The following RPH3A variants were observed in gnomAD, a reference collection of about 807,000 sequenced individuals.
The protein encoded by RPH3A is rabphilin-3A.
RPH3A carries 48 observed loss-of-function variants against 102.2 expected under a neutral mutation model. That is an observed-to-expected ratio of 0.47 (90% CI 0.37 to 0.60). RPH3A has a LOEUF of 0.60. RPH3A is among the 20% of genes least tolerant of loss of function. RPH3A has a pLI of 0.00. For missense variants in RPH3A, 781 were observed against 910.1 expected (o/e 0.86, Z 1.83); for synonymous variants, 310 against 324.3 (o/e 0.96, Z 0.47).
At chr12:112,865,905 G>T (rs1428388464) in intron 6 of RPH3A, among the ~76,000 whole-genome samples, 1 of 152,218 alleles carries the variant, frequency 6.6e-6, no homozygotes, top group Non-Finnish European at 1.5e-5. Context: ...GTTTATACTT[G>T]TGTGTATGTG....
At chr12:112,578,215 A>G (rs1186016329) in intron 1 of RPH3A, among the ~76,000 whole-genome samples, 2 of 152,180 alleles carry the variant, frequency 1.3e-5, no homozygotes, top group East Asian at 1.9e-4. Flanking sequence ...GCTTTTTATT[A>G]TGCAAAGGTA....
At position 112,732,277 on chromosome 12, in the gene RPH3A, T is replaced by C. The variant is rs115292926; in HGVS notation, c.-139-59866T>C. ...AGCTGGACTCACTTTAGAGACTCAG[T>C]TTGGAGGTGGAGGATGAACACGCTC... On this transcript the variant is annotated intron_variant, in intron 1 of 21. Coordinates refer to the RPH3A transcript ENST00000543106. Among the ~76,000 whole-genome samples, 332 of 152,258 alleles carry C rather than the reference T, an allele frequency of 2.2e-3. 4 individuals are homozygous for C. Among genetic ancestry groups the C allele is most frequent in the African/African-American group, 7.8e-3 (324 of 41,544 alleles).
intron 14 of RPH3A, among the ~76,000 whole-genome samples, chr12:112,879,772 T>C (rs2042875075): frequency 6.6e-6 from 1 of 152,166 alleles, no homozygotes; most frequent in Admixed American, 6.5e-5. Flanking sequence ...TGACTAGGAT[T>C]GAACCCCTAC....
intron 1 of RPH3A, among the ~76,000 whole-genome samples, chr12:112,738,576 C>T (rs1051994867): frequency 1.3e-5 from 2 of 152,106 alleles, no homozygotes; most frequent in African/African-American, 2.4e-5. Flanking sequence ...TATTCTCTGC[C>T]ATCACCACTG....
chr12:112,789,887 CAA>C (rs144494791), upstream of RPH3A, among the ~76,000 whole-genome samples: 661 of 70,756 alleles, frequency 9.3e-3, 7 homozygotes, highest in African/African-American at 0.027. Context: ...CCCATCTCTG[CAA>C]AAAAAAAAAA....
intron 1 of RPH3A, among the ~76,000 whole-genome samples, chr12:112,734,198 A>T (rs1338099590): frequency 1.3e-5 from 2 of 152,202 alleles, no homozygotes; most frequent in Admixed American, 1.3e-4. Flanking sequence ...TGCTATGCTT[A>T]GATATGTTTA....
intron 3 of RPH3A, 114 bp from the exon 4 acceptor site, chr12:112,836,377 G>T (rs2042050762): frequency 4.0e-6 from 2 of 497,388 alleles, no homozygotes; most frequent in East Asian, 3.5e-5. Flanking sequence ...ATGGAAGTAG[G>T]TCATCATAAT....
chr12:112,829,190 C>T (rs996630490), intron 3 of RPH3A, among the ~76,000 whole-genome samples: 6 of 152,048 alleles, frequency 3.9e-5, no homozygotes, highest in African/African-American at 1.4e-4. Flanking sequence ...CTGGGTAGGA[C>T]AGTTGAGGAT....
chr12:112,890,054 C>A lies in RPH3A; in HGVS notation c.1594C>A (p.Arg532=). 6.2e-7 allele frequency: 1 copy of A among 1,613,562 alleles called. No individual in the cohort carries two copies. The change falls in exon 18 of 22, where the codon CGA becomes AGA. Residue 532 remains arginine (R), a synonymous_variant. Transcript: ENST00000389385. ...ACGTGCTGGGACCACCGGGTCAGCC[C>A]GAGGCATGGCCCTTTATGAGGAAGA... is the stretch of plus-strand genomic sequence containing the variant. ...MKRAGTTGSA[R]GMALYEEEQV... is the part of the protein sequence containing the mutation.
Position 112,868,431 on chromosome 12 carries a change from T to A in RPH3A, c.446T>A (p.Val149Glu), listed in dbSNP as rs1440608662. Residue 149 changes from valine (V) to glutamate (E), a missense_variant and splice_region_variant, in exon 8 of 22, where the codon GTG becomes GAG. Transcript: ENST00000389385. ...LCKICIEQRE[V>E]WKRSGAWFFK... Reference sequence around the variant, plus strand: ...CAATCCCTGTCTCTCCTCCCCAAGGTGTGGAAGCGTTCTGGAGCGTGGTTC... The same window carrying A: ...CAATCCCTGTCTCTCCTCCCCAAGGAGTGGAAGCGTTCTGGAGCGTGGTTC... 6.2e-7 allele frequency: 1 copy of A among 1,613,690 alleles called. No homozygotes were observed. Among genetic ancestry groups the A allele is most frequent in the African/African-American group, 1.3e-5 (1 of 74,884 alleles).
At chr12:112,599,462 T>G (rs1334801022) in intron 1 of RPH3A, among the ~76,000 whole-genome samples, 1 of 152,212 alleles carries the variant, frequency 6.6e-6, no homozygotes, top group Non-Finnish European at 1.5e-5. Flanking sequence ...TTTTAATATT[T>G]TTATAAATTG....
At chr12:112,800,599 G>A (rs1390799856) in intron 2 of RPH3A, among the ~76,000 whole-genome samples, 1 of 152,180 alleles carries the variant, frequency 6.6e-6, no homozygotes, top group Admixed American at 6.5e-5. Context: ...TGGGATGGAA[G>A]CCAGGGGACC....
intron 1 of RPH3A, among the ~76,000 whole-genome samples, chr12:112,584,480 G>A (rs2039423842): frequency 6.6e-6 from 1 of 152,144 alleles, no homozygotes; most frequent in African/African-American, 2.4e-5. Flanking sequence ...TCCAGCCAGG[G>A]TCACATGGTC....
intron 1 of RPH3A, among the ~76,000 whole-genome samples, chr12:112,713,011 C>G (rs149017329): frequency 0.018 from 1,191 of 66,532 alleles, 103 homozygotes; most frequent in South Asian, 0.053. Context: ...CTTCCTCTTC[C>G]TCTTCCTCTT....
At chr12:112,895,653 T>C in intron 20 of RPH3A, 124 bp from the exon 21 acceptor site, 1 of 635,096 alleles carries the variant, frequency 1.6e-6, no homozygotes, top group Non-Finnish European at 2.9e-6. Flanking sequence ...AAGACCTCCT[T>C]GCTCCCAGAA....
intron 1 of RPH3A, among the ~76,000 whole-genome samples, chr12:112,648,163 A>T (rs1009467351): frequency 6.6e-6 from 1 of 152,168 alleles, no homozygotes; most frequent in Non-Finnish European, 1.5e-5. Context: ...TTATATGCTT[A>T]GTTTTTAATT....
intron 5 of RPH3A, among the ~76,000 whole-genome samples, chr12:112,862,593 A>T (rs1359276644): frequency 6.6e-6 from 1 of 150,384 alleles, no homozygotes; most frequent in Non-Finnish European, 1.5e-5. Flanking sequence ...TCTAGGGAAG[A>T]TGGGGTGGGT....
chr12:112,849,795 G>C (rs1252297575), intron 5 of RPH3A, among the ~76,000 whole-genome samples: 1 of 152,182 alleles, frequency 6.6e-6, no homozygotes, highest in African/African-American at 2.4e-5. Flanking sequence ...TGGCCAAGAG[G>C]CTTGGGAGTT....
At chr12:112,806,919 G>A (rs902977062) in intron 2 of RPH3A, among the ~76,000 whole-genome samples, 1 of 152,108 alleles carries the variant, frequency 6.6e-6, no homozygotes, top group Non-Finnish European at 1.5e-5. Context: ...AGGAAGTGAT[G>A]TTCGACCTGA....
Sources: gnomAD v4.1 joint callset for allele counts (sites outside exome capture counted in the v4.1 genomes callset) on GRCh38, gnomAD v4.1.1 for gene constraint, MANE v1.5 for transcripts, NCBI Gene and HGNC (gene_info 2026-07-23, HGNC 2026-07-21) for gene names.